XCR1: variants seen among roughly 807,000 people sequenced by gnomAD.
XCR1 encodes the protein chemokine XC receptor 1.
For synonymous variants in XCR1, 187 were observed against 188.5 expected, an observed-to-expected ratio of 0.99 and a Z score of 0.06; for missense variants, 356 against 424.2, an observed-to-expected ratio of 0.84 and a Z score of 1.41.
chr3:46,037,315 G>A (rs1486043282), intron 5 of XCR1, among the ~76,000 whole-genome samples: 1 of 152,034 alleles, frequency 6.6e-6, no homozygotes, highest in Non-Finnish European at 1.5e-5. Flanking sequence ...AGGTAGAAAG[G>A]AACCAGTAAA....
intron 5 of XCR1, among the ~76,000 whole-genome samples, chr3:46,040,334 T>G (rs1697517737): frequency 6.6e-6 from 1 of 152,166 alleles, no homozygotes. Context: ...TTTGACAGAC[T>G]TTACAATAGC....
intron 1 of XCR1, among the ~76,000 whole-genome samples, chr3:46,083,500 A>G (rs1698414568): frequency 6.6e-6 from 1 of 152,240 alleles, no homozygotes; most frequent in South Asian, 2.1e-4. Flanking sequence ...CTATTTAGAG[A>G]AAATGTGCTA....
intron 3 of XCR1, among the ~76,000 whole-genome samples, chr3:46,074,401 G>C (rs111721206): frequency 5.3e-5 from 8 of 151,698 alleles, no homozygotes; most frequent in African/African-American, 1.9e-4. Flanking sequence ...TTCATAAGTG[G>C]GAGCTAAATA....
chr3:46,062,105 A>C (rs1193309931), intron 4 of XCR1, among the ~76,000 whole-genome samples: 1 of 152,136 alleles, frequency 6.6e-6, no homozygotes, highest in African/African-American at 2.4e-5. Context: ...AATTGGGCCC[A>C]GGGCACCTCT....
chr3:46,055,871 G>A (rs561219377), intron 4 of XCR1, among the ~76,000 whole-genome samples: 2 of 152,320 alleles, frequency 1.3e-5, no homozygotes, highest in African/African-American at 4.8e-5. Context: ...ATGAAGAAGA[G>A]ACAATCAATA....
At chr3:46,031,589 G>A (rs1708396247), upstream of XCR1, among the ~76,000 whole-genome samples, 1 of 152,212 alleles carries the variant, frequency 6.6e-6, no homozygotes, top group African/African-American at 2.4e-5. Flanking sequence ...CATAAACAGT[G>A]GTGGGTGGTG....
intron 5 of XCR1, among the ~76,000 whole-genome samples, chr3:46,049,521 T>C (rs1697699741): frequency 1.3e-5 from 2 of 152,182 alleles, no homozygotes; most frequent in South Asian, 2.1e-4. Context: ...CTGGGTCTAG[T>C]GTATTTTTAA....
upstream of XCR1, among the ~76,000 whole-genome samples, chr3:46,029,836 T>C (rs1280969783): frequency 1.0e-5 from 1 of 100,214 alleles, no homozygotes; most frequent in South Asian, 4.7e-4. Context: ...TCTTCTTTAG[T>C]TTTTTTTCCA....
At chr3:46,025,958 T>C (rs1708279445) in intron 1 of XCR1, among the ~76,000 whole-genome samples, 1 of 152,144 alleles carries the variant, frequency 6.6e-6, no homozygotes, top group African/African-American at 2.4e-5. Flanking sequence ...GCAATACATT[T>C]TAAAAGAATA....
chr3:46,084,241 C>A (rs182418344), intron 1 of XCR1, among the ~76,000 whole-genome samples: 57 of 152,234 alleles, frequency 3.7e-4, no homozygotes, highest in African/African-American at 1.3e-3. Flanking sequence ...TTCCTGGTGA[C>A]AAGGGACAAG....
At chr3:46,074,427 C>T (rs950457604) in intron 3 of XCR1, among the ~76,000 whole-genome samples, 2 of 151,728 alleles carry the variant, frequency 1.3e-5, no homozygotes, top group African/African-American at 4.8e-5. Flanking sequence ...TACACATGGA[C>T]ATAGAATGTG....
chr3:46,077,434 C>T (rs1698281551), intron 1 of XCR1, among the ~76,000 whole-genome samples: 1 of 151,902 alleles, frequency 6.6e-6, no homozygotes, highest in Non-Finnish European at 1.5e-5. Context: ...ATGGGACCAT[C>T]TAGTTGCAGG....
chr3:46,028,041 G>T (rs368697418), upstream of XCR1, among the ~76,000 whole-genome samples: 1 of 152,122 alleles, frequency 6.6e-6, no homozygotes, highest in African/African-American at 2.4e-5. Context: ...CAATCAGCAC[G>T]TATTTCCTCA....
At chr3:46,023,351 A>G (rs1708206334) in intron 1 of XCR1, 2 of 1,369,142 alleles carry the variant, frequency 1.5e-6, no homozygotes, top group Admixed American at 1.7e-5. Context: ...AGACGAGCCG[A>G]CCGTTTATTA....
intron 1 of XCR1, among the ~76,000 whole-genome samples, chr3:46,079,962 C>A (rs1283187304): frequency 6.6e-6 from 1 of 152,090 alleles, no homozygotes; most frequent in Non-Finnish European, 1.5e-5. Context: ...TTAGCCAAGT[C>A]TCTCTGTGAT....
At chr3:46,081,516 C>G (rs1418915296) in intron 1 of XCR1, among the ~76,000 whole-genome samples, 1 of 152,176 alleles carries the variant, frequency 6.6e-6, no homozygotes, top group Non-Finnish European at 1.5e-5. Flanking sequence ...GCAGAGAGCT[C>G]TGGGGAGATG....
chr3:46,050,172 C>T (rs1339133353), intron 5 of XCR1, among the ~76,000 whole-genome samples: 1 of 152,168 alleles, frequency 6.6e-6, no homozygotes, highest in African/African-American at 2.4e-5. Flanking sequence ...AGCGGTGAGG[C>T]ATGTCTCTGC....
At chr3:46,084,276 G>C (rs1019957695) in intron 1 of XCR1, among the ~76,000 whole-genome samples, 1 of 152,210 alleles carries the variant, frequency 6.6e-6, no homozygotes, top group Non-Finnish European at 1.5e-5. Flanking sequence ...TGTATCATCA[G>C]TGCTTTTGAG....
chr3:46,055,025 C>T (rs72887919), intron 4 of XCR1, among the ~76,000 whole-genome samples: 2,435 of 152,312 alleles, frequency 0.016, 68 homozygotes, highest in African/African-American at 0.054. Flanking sequence ...GGAAGAAGGT[C>T]TCTCTTAAGT....
Sources: gnomAD v4.1 joint callset for allele counts (sites outside exome capture counted in the v4.1 genomes callset) on GRCh38, gnomAD v4.1.1 for gene constraint, MANE v1.5 for transcripts, NCBI Gene and HGNC (gene_info 2026-07-23, HGNC 2026-07-21) for gene names.